ARHGAP5: variants seen among roughly 807,000 people sequenced by gnomAD.
ARHGAP5 encodes rho GTPase-activating protein 5.
ARHGAP5 carries 23 observed loss-of-function variants against 116.6 expected under a neutral mutation model. The ratio of observed to expected loss-of-function variants is 0.20; its 90% CI spans 0.14 to 0.28. ARHGAP5 has a LOEUF of 0.28. ARHGAP5 is among the 10% of genes least tolerant of loss of function. The pLI is 1.00. For missense variants in ARHGAP5, 1,405 were observed against 1,774.8 expected (o/e 0.79, Z 3.74); for synonymous variants, 574 against 602.0 (o/e 0.95, Z 0.68).
At chr14:32,114,023 T>C (rs1594364366) in intron 2 of ARHGAP5, among the ~76,000 whole-genome samples, 1 of 152,066 alleles carries the variant, frequency 6.6e-6, no homozygotes, top group African/African-American at 2.4e-5. Context: ...GGTCAGGAGA[T>C]CGAGACCATC....
intron 1 of ARHGAP5, among the ~76,000 whole-genome samples, chr14:32,082,189 C>T (rs150024708): frequency 4.6e-4 from 70 of 152,172 alleles, no homozygotes; most frequent in African/African-American, 1.5e-3. Context: ...GTTGGGGACC[C>T]CTGATCTAGA....
At chr14:32,117,526 AAACTT>A (rs1439139735) in intron 3 of ARHGAP5, among the ~76,000 whole-genome samples, 2 of 152,234 alleles carry the variant, frequency 1.3e-5, no homozygotes, top group African/African-American at 4.8e-5. Flanking sequence ...CTAAAATGTT[AAACTT>A]ACCTTATTCT....
At chr14:32,111,887 G>T (rs1338141209) in intron 2 of ARHGAP5, among the ~76,000 whole-genome samples, 1 of 138,494 alleles carries the variant, frequency 7.2e-6, no homozygotes, top group Non-Finnish European at 1.5e-5. Flanking sequence ...CTGTTACTAG[G>T]CTGGAGTGCA....
rs1881809076 is a variant in ARHGAP5 at position 32,154,644 on chromosome 14, A to G, written c.4205A>G (p.Asn1402Ser). Residue 1402 changes from asparagine (N) to serine (S), a missense_variant, in exon 7 of 7, where the codon AAC (asparagine) becomes AGC (serine). Transcript: ENST00000345122. ...LNRVSQQHKI[N>S]LMTADNLSIC... ...AGGGTTAGTCAGCAACATAAAATCA[A>G]CCTAATGACAGCAGACAACTTATCC... is the stretch of plus-strand genomic sequence containing the variant. 1 of 1,609,474 alleles carries G rather than the reference A, an allele frequency of 6.2e-7. No individual in the cohort carries two copies. Among genetic ancestry groups the G allele is most frequent in the African/African-American group, 1.3e-5 (1 of 74,742 alleles).
At chr14:32,132,728 T>C (rs1160379126) in intron 3 of ARHGAP5, among the ~76,000 whole-genome samples, 1 of 152,184 alleles carries the variant, frequency 6.6e-6, no homozygotes, top group Non-Finnish European at 1.5e-5. Flanking sequence ...GGTCTAACAT[T>C]TAAGTCTTTA....
intron 2 of ARHGAP5, among the ~76,000 whole-genome samples, chr14:32,096,114 T>TGTGTGTGTTTTC (rs1878513399): frequency 6.6e-6 from 1 of 152,086 alleles, no homozygotes; most frequent in African/African-American, 2.4e-5. Context: ...TGCGCACGTG[T>TGTGTGTGTTTTC]GTGTGTGTTT....
At chr14:32,107,101 A>G (rs866726473) in intron 2 of ARHGAP5, among the ~76,000 whole-genome samples, 14 of 152,170 alleles carry the variant, frequency 9.2e-5, no homozygotes, top group Middle Eastern at 3.2e-3. Context: ...ATAACAGACT[A>G]TATGTTTCTC....
Position 32,150,018 on chromosome 14 carries a change from C to T in ARHGAP5, c.4060C>T (p.Leu1354=). Residue 1354 remains leucine, a synonymous_variant, in exon 5 of 7, where the codon CTA becomes TTA. Transcript: ENST00000345122. ...AATTCCATATTCTCTTCATCCAGAA[C>T]TATTGGAAGCAGCAAGTAAGTATAA... The part of the protein sequence containing the change: ...PLIPYSLHPE[L]LEAAKIPDKT... 1 of 1,593,874 alleles carries T rather than the reference C, an allele frequency of 6.3e-7. No individual in the cohort carries two copies. Among genetic ancestry groups the T allele is most frequent in the African/African-American group, 1.4e-5 (1 of 73,758 alleles).
intron 4 of ARHGAP5, 28 bp downstream of exon 4, chr14:32,146,368 ATTG>A (rs771741600): frequency 8.5e-6 from 13 of 1,532,514 alleles, no homozygotes; most frequent in South Asian, 1.1e-5. Context: ...TGAAATAAAA[ATTG>A]TTGTTTTATG....
Position 32,159,246 on chromosome 14 carries a change from CT to C in ARHGAP5, c.*4303del, listed in dbSNP as rs1314912211. ...AGTATTAAGACCTGCAGTATATGCA[CT>C]TTTTGAGTAGCTGTCAAATAATTGT... is the stretch of plus-strand genomic sequence containing the variant. On this transcript the variant is annotated 3_prime_UTR_variant, in exon 7 of 7. Coordinates refer to ENST00000345122, the MANE Select transcript of ARHGAP5 (RefSeq NM_001030055.2). 6 of 152,106 alleles carry C rather than the reference CT, an allele frequency of 3.9e-5. No individual in the cohort carries two copies. Among genetic ancestry groups the C allele is most frequent in the African/African-American group, 1.4e-4 (6 of 41,432 alleles). 9.4% of individuals were successfully genotyped at this position (152,106 alleles called of 1,614,324 possible). A position where few individuals can be genotyped will look rare whatever the true frequency, so the allele number is the denominator to read the frequency against.
rs2139162149 is a variant in ARHGAP5 at position 32,156,669 on chromosome 14, T to A, written c.*1721T>A. 6.6e-6 allele frequency: 1 copy of A among 152,526 alleles called. No individual in the cohort carries two copies. The highest frequency in any genetic ancestry group is 1.5e-5 in the Non-Finnish European group (1 of 67,816). The allele number at this position is 152,526 out of a possible 1,614,324, so 9.4% of individuals were successfully genotyped here. ...CGGTAAATGTAGTATTCTTAACCTG[T>A]TCTATATTACTTATACCTATTGTCT... On this transcript the variant is annotated 3_prime_UTR_variant, in exon 7 of 7. Coordinates refer to ENST00000345122, the MANE Select transcript of ARHGAP5 (RefSeq NM_001030055.2).
intron 1 of ARHGAP5, among the ~76,000 whole-genome samples, chr14:32,088,980 G>A (rs143000681): frequency 2.0e-5 from 3 of 151,884 alleles, no homozygotes; most frequent in Admixed American, 6.6e-5. Context: ...GTATTTACAC[G>A]TGGTTTCTAC....
intron 3 of ARHGAP5, among the ~76,000 whole-genome samples, chr14:32,132,704 T>C (rs555106140): frequency 6.0e-4 from 79 of 132,152 alleles, no homozygotes; most frequent in African/African-American, 1.8e-3. Context: ...TCTTCTAGGG[T>C]TTTTATGGTT....
chr14:32,143,233 GTTGTTGTTA>G (rs1339386858), intron 3 of ARHGAP5, among the ~76,000 whole-genome samples: 1,797 of 149,346 alleles, frequency 0.012, 27 homozygotes, highest in African/African-American at 0.038. Context: ...TGTTGTTGTT[GTTGTTGTTA>G]TTATTATTAT....
rs1430799925 is a variant in ARHGAP5, at chr14:32,156,907, G to A, written c.*1959G>A. 2 of 152,310 alleles carry A rather than the reference G, an allele frequency of 1.3e-5. No homozygotes were observed. Among genetic ancestry groups the A allele is most frequent in the African/African-American group, 2.4e-5 (1 of 41,432 alleles). 9.4% of individuals were successfully genotyped at this position (152,310 alleles called of 1,614,324 possible). On this transcript the variant is annotated 3_prime_UTR_variant, in exon 7 of 7. Transcript: ENST00000345122. ...GAAAAGAGAATTTTCAAAACTGTTCGTGTCTTCAGTTCATTCTGTCATAAC... is the reference window on the plus strand; with the variant it reads ...GAAAAGAGAATTTTCAAAACTGTTCATGTCTTCAGTTCATTCTGTCATAAC...
chr14:32,152,399 TTC>T, intron 5 of ARHGAP5, 22 bp from the exon 6 acceptor site: 1 of 1,451,370 alleles, frequency 6.9e-7, no homozygotes, highest in Non-Finnish European at 9.6e-7. Flanking sequence ...TTTACACAGA[TTC>T]TTCACTGTTT....
At chr14:32,117,029 G>A in intron 2 of ARHGAP5, 111 bp from the exon 3 acceptor site, 1 of 742,134 alleles carries the variant, frequency 1.3e-6, no homozygotes, top group Non-Finnish European at 2.0e-6. Context: ...CATTTAGGTT[G>A]GATGTGGCTA....
At chr14:32,130,868 CTTTAGAAATGTTACAAGAATAG>C (rs1253290560) in intron 3 of ARHGAP5, among the ~76,000 whole-genome samples, 8 of 152,130 alleles carry the variant, frequency 5.3e-5, no homozygotes, top group African/African-American at 1.9e-4. Context: ...ATTTTGGGAC[CTTTAGAAATGTTACAAGAATAG>C]TATGATTGAG....
At chr14:32,139,110 A>C (rs1880963366) in intron 3 of ARHGAP5, among the ~76,000 whole-genome samples, 1 of 152,066 alleles carries the variant, frequency 6.6e-6, no homozygotes, top group South Asian at 2.1e-4. Flanking sequence ...ATATTCAATT[A>C]ATATTGATTT....
Sources: gnomAD v4.1 joint callset for allele counts (sites outside exome capture counted in the v4.1 genomes callset) on GRCh38, gnomAD v4.1.1 for gene constraint, MANE v1.5 for transcripts, NCBI Gene and HGNC (gene_info 2026-07-23, HGNC 2026-07-21) for gene names.